PLB1: variants seen among roughly 807,000 people sequenced by gnomAD.
The protein encoded by PLB1 is phospholipase B1, membrane-associated.
PLB1 carries 242 observed loss-of-function variants against 227.4 expected under a neutral mutation model. That is an observed-to-expected ratio of 1.06 (90% confidence interval 0.96 to 1.18). PLB1 has a LOEUF of 1.18. Ranked by LOEUF, PLB1 falls within the 50% of genes most tolerant of loss-of-function variation. The pLI, the probability that PLB1 is intolerant of heterozygous loss-of-function variation, is 0.00. For synonymous variants in PLB1, 757 were observed against 682.2 expected (o/e 1.11, Z -1.71); for missense variants, 1,858 against 1,816.3 (o/e 1.02, Z -0.42).
intron 43 of PLB1, among the ~76,000 whole-genome samples, chr2:28,607,855 T>C (rs149175515): frequency 6.6e-6 from 1 of 152,092 alleles, no homozygotes; most frequent in South Asian, 2.1e-4. Flanking sequence ...GGAGGGCCCT[T>C]TCCAAACTGT....
chr2:28,600,828 C>T lies in PLB1; in HGVS notation c.2494C>T (p.Gln832Ter). 6.2e-7 allele frequency: 1 copy of T among 1,613,288 alleles called. No homozygotes were observed. The change falls in exon 36 of 58, where the codon CAA becomes TAA. Residue 832 changes from glutamine (Q) to a stop codon, truncating the protein, a stop_gained. Coordinates refer to ENST00000327757, the MANE Select transcript of PLB1 (RefSeq NM_153021.5). LOFTEE classifies it high-confidence loss of function. Reference sequence around the variant, plus strand: ...TCTCAGGGATCTTATGAGCCAAGTCCAAACTCTGATGCAGAAGATGAAAGA... The same window carrying T: ...TCTCAGGGATCTTATGAGCCAAGTCTAAACTCTGATGCAGAAGATGAAAGA... ...AKAEDLMSQV[Q>*]TLMQKMKDDH...
chr2:28,528,454 T>G (rs111815122), intron 6 of PLB1, among the ~76,000 whole-genome samples: 226 of 152,324 alleles, frequency 1.5e-3, no homozygotes, highest in African/African-American at 5.2e-3. Context: ...GCATGTTCCC[T>G]GGAGCTTTCC....
At chr2:28,506,285 A>T (rs1353671184) in intron 1 of PLB1, among the ~76,000 whole-genome samples, 1 of 152,156 alleles carries the variant, frequency 6.6e-6, no homozygotes, top group Admixed American at 6.5e-5. Context: ...GAGCTGAGAG[A>T]TGAATGTGGG....
intron 43 of PLB1, among the ~76,000 whole-genome samples, chr2:28,611,367 G>C (rs1365178550): frequency 6.6e-6 from 1 of 152,136 alleles, no homozygotes; most frequent in East Asian, 1.9e-4. Context: ...CTCCCATTCT[G>C]GTCACGGTAG....
At chr2:28,629,646 G>A (rs1688318403) in intron 53 of PLB1, among the ~76,000 whole-genome samples, 1 of 152,202 alleles carries the variant, frequency 6.6e-6, no homozygotes, top group Non-Finnish European at 1.5e-5. Context: ...TTCCCTGCAA[G>A]GTAGATGTGA....
chr2:28,604,759 G>A lies in PLB1; in HGVS notation c.2961G>A (p.Ala987=), dbSNP rs868219451. 1.6e-5 allele frequency: 26 copies of A among 1,613,526 alleles called. No homozygotes were observed. Among genetic ancestry groups the A allele is most frequent in the East Asian group, 6.7e-5 (3 of 44,874 alleles). The change falls in exon 41 of 58, where the codon GCG becomes GCA. Residue 987 remains alanine (A), a splice_region_variant and synonymous_variant. Coordinates refer to ENST00000327757, the MANE Select transcript of PLB1 (RefSeq NM_153021.5). ...FFQNIQLPVL[A]DGLPDTSFFA... is the part of the protein sequence containing the mutation. Reference sequence around the variant, plus strand: ...AGAACATCCAGCTCCCTGTCCTGGCGGTATGTCCCCTGCCCTCACCCATGG... The same window carrying A: ...AGAACATCCAGCTCCCTGTCCTGGCAGTATGTCCCCTGCCCTCACCCATGG...
chr2:28,532,310 T>C, intron 9 of PLB1, 116 bp downstream of exon 9: 1 of 692,270 alleles, frequency 1.4e-6, no homozygotes, highest in Non-Finnish European at 2.4e-6. Context: ...TGCCACCTAT[T>C]TTAGAACATG....
chr2:28,554,518 T>TTTTTTTTTTTA (rs1674744531), intron 17 of PLB1, among the ~76,000 whole-genome samples: 1 of 131,816 alleles, frequency 7.6e-6, no homozygotes, highest in African/African-American at 2.8e-5. Flanking sequence ...TTTTTTTTTT[T>TTTTTTTTTTTA]AAGAGATGGG....
intron 17 of PLB1, among the ~76,000 whole-genome samples, chr2:28,559,382 A>G (rs527342144): frequency 6.6e-6 from 1 of 152,322 alleles, no homozygotes; most frequent in South Asian, 2.1e-4. Flanking sequence ...CAATTGGAGG[A>G]CCGCTGCTCT....
In PLB1 at chr2:28,573,312, AG is replaced by A; in HGVS notation, c.1433+11del. 1 of 1,607,654 alleles carries A rather than the reference AG, an allele frequency of 6.2e-7. No individual in the cohort carries two copies. Among genetic ancestry groups the A allele is most frequent in the Non-Finnish European group, 8.5e-7 (1 of 1,174,662 alleles). ...TGGCAGGAGGCCGAGCTGAGTAAGCAGGGGTGACCGGGGCGGTGAACAGCAC... is the reference window on the plus strand; with the variant it reads ...TGGCAGGAGGCCGAGCTGAGTAAGCAGGGTGACCGGGGCGGTGAACAGCAC... On this transcript the variant is annotated splice_region_variant and intron_variant, in intron 21 of 57. Coordinates refer to ENST00000327757, the MANE Select transcript of PLB1 (RefSeq NM_153021.5).
chr2:28,496,131 G>A lies in PLB1; in HGVS notation c.17G>A (p.Gly6Asp). The A allele has an allele frequency of 6.2e-7, 1 of 1,614,054 alleles. No homozygotes were observed. Among genetic ancestry groups the A allele is most frequent in the Admixed American group, 1.7e-5 (1 of 60,026 alleles). MGLRP[G>D]IFLLELLLLL... The stretch of plus-strand genomic sequence containing the variant: ...CATTCTGGCATGGGGCTGCGGCCAG[G>A]CATTTTCCTCCTGGAGCTGCTGCTG... The change falls in exon 1 of 58, where the codon GGC becomes GAC. Residue 6 changes from glycine (G) to aspartate (D), a missense_variant. By Grantham distance (94) the Gly-to-Asp change is moderately conservative. Transcript: ENST00000327757.
intron 30 of PLB1, 120 bp downstream of exon 30, chr2:28,591,291 C>T (rs778137462): frequency 8.0e-7 from 1 of 1,250,180 alleles, no homozygotes; most frequent in Non-Finnish European, 1.2e-6. Context: ...GGCATAAAGG[C>T]CACCCACCTG....
intron 20 of PLB1, among the ~76,000 whole-genome samples, chr2:28,568,126 G>T (rs1677364292): frequency 6.6e-6 from 1 of 152,244 alleles, no homozygotes; most frequent in South Asian, 2.1e-4. Flanking sequence ...AGGTAGACAG[G>T]GTTCTGTGCC....
Position 28,601,890 on chromosome 2 carries a change from T to C in PLB1, c.2608-9T>C, listed in dbSNP as rs374100975. 6.3e-7 allele frequency: 1 copy of C among 1,596,666 alleles called. No individual in the cohort carries two copies. Among genetic ancestry groups the C allele is most frequent in the Non-Finnish European group, 8.6e-7 (1 of 1,164,320 alleles). On this transcript the variant is annotated splice_polypyrimidine_tract_variant and intron_variant, in intron 37 of 57. Coordinates refer to ENST00000327757, the MANE Select transcript of PLB1 (RefSeq NM_153021.5). Reference sequence around the variant, plus strand: ...GTTCCTCCTTTTCCTCCTTCCTGTCTCTTTCTAGAATCTGTATTCTGCAGC... The same window carrying C: ...GTTCCTCCTTTTCCTCCTTCCTGTCCCTTTCTAGAATCTGTATTCTGCAGC...
intron 1 of PLB1, among the ~76,000 whole-genome samples, chr2:28,510,918 G>A (rs150564540): frequency 1.1e-3 from 164 of 152,202 alleles, no homozygotes; most frequent in African/African-American, 3.9e-3. Flanking sequence ...ATGAGCCACT[G>A]TGCCTGGCCT....
intron 25 of PLB1, among the ~76,000 whole-genome samples, chr2:28,583,216 C>T (rs1053964057): frequency 1.3e-5 from 2 of 151,062 alleles, no homozygotes; most frequent in South Asian, 2.1e-4. Flanking sequence ...GACAGGGTCT[C>T]GCTCTGTTGC....
chr2:28,525,240 G>A, intron 4 of PLB1, 27 bp from the exon 5 acceptor site: 8 of 1,610,844 alleles, frequency 5.0e-6, no homozygotes, highest in East Asian at 2.2e-5. Flanking sequence ...CCCCTGGCTG[G>A]GTGTTAACAT....
At chr2:28,515,510 G>C (rs989590677) in intron 1 of PLB1, among the ~76,000 whole-genome samples, 1 of 152,202 alleles carries the variant, frequency 6.6e-6, no homozygotes, top group African/African-American at 2.4e-5. Flanking sequence ...CTGCGATCTG[G>C]AGGCGGATTC....
chr2:28,556,422 C>T (rs1675132520), intron 17 of PLB1, among the ~76,000 whole-genome samples: 1 of 152,102 alleles, frequency 6.6e-6, no homozygotes, highest in Non-Finnish European at 1.5e-5. Context: ...TTTTTATAAT[C>T]AGTTGGTATT....
Sources: gnomAD v4.1 joint callset for allele counts (sites outside exome capture counted in the v4.1 genomes callset) on GRCh38, gnomAD v4.1.1 for gene constraint, MANE v1.5 for transcripts, NCBI Gene and HGNC (gene_info 2026-07-23, HGNC 2026-07-21) for gene names.